NGEF: variants seen among roughly 807,000 people sequenced by gnomAD.
The protein encoded by NGEF is ephexin-1.
A neutral mutation model predicts 80.9 loss-of-function variants in NGEF; 31 were observed. The ratio of observed to expected loss-of-function variants is 0.38; its 90% CI spans 0.29 to 0.52. The LOEUF is 0.52. Ranked by LOEUF, NGEF falls within the 20% of genes least tolerant of loss-of-function variation. The probability of loss-of-function intolerance (pLI) is 0.84; values close to 1 mark genes in which losing one functional copy is unlikely to be tolerated. For missense variants in NGEF, 709 were observed against 926.2 expected (o/e 0.77, Z 3.04); for synonymous variants, 371 against 370.2 (o/e 1.00, Z -0.03).
chr2:232,916,345 C>T (rs534507653), intron 5 of NGEF, among the ~76,000 whole-genome samples: 1 of 152,224 alleles, frequency 6.6e-6, no homozygotes, highest in African/African-American at 2.4e-5. Flanking sequence ...AAGTAATTTG[C>T]CTAAGGTCAC....
intron 2 of NGEF, 108 bp downstream of exon 2, chr2:232,974,515 G>T: frequency 7.7e-7 from 1 of 1,305,738 alleles, no homozygotes; most frequent in Non-Finnish European, 1.1e-6. Context: ...ACTGTCCTTG[G>T]TACTTTTCAA....
chr2:232,890,332 C>G (rs1691840602), intron 8 of NGEF, among the ~76,000 whole-genome samples: 1 of 152,174 alleles, frequency 6.6e-6, no homozygotes, highest in Admixed American at 6.5e-5. Context: ...CCCCCTGAGT[C>G]TCCCATGCCT....
intron 1 of NGEF, chr2:233,012,674 G>T: frequency 2.8e-6 from 1 of 359,886 alleles, no homozygotes; most frequent in Non-Finnish European, 5.4e-6. Context: ...AAGGTGCCCC[G>T]GCTTGCTTTA....
intron 1 of NGEF, among the ~76,000 whole-genome samples, chr2:232,978,277 G>A (rs1360983127): frequency 2.0e-5 from 3 of 151,988 alleles, no homozygotes; most frequent in Non-Finnish European, 4.4e-5. Context: ...CCCAGCACAG[G>A]CTGAGGGGGG....
Position 232,892,825 on chromosome 2 carries a change from G to A in NGEF, c.1142+73C>T. The A allele has an allele frequency of 6.6e-7, 1 of 1,507,368 alleles. No individual in the cohort carries two copies. The highest frequency in any genetic ancestry group is 9.1e-7 in the Non-Finnish European group (1 of 1,097,510). 93.4% of individuals were successfully genotyped at this position (1,507,368 alleles called of 1,614,324 possible). On this transcript the variant is annotated intron_variant, in intron 7 of 14. Transcript: ENST00000264051. The surrounding 1 kb of genome is among the most constrained non-coding windows in gnomAD (Gnocchi z 4.0). ...ACCATGAAGTGTCACCGTGTAAGGAGCCTGGGCCAGCACTGGTATGGCTGC... is the reference window on the plus strand; with the variant it reads ...ACCATGAAGTGTCACCGTGTAAGGAACCTGGGCCAGCACTGGTATGGCTGC...
intron 1 of NGEF, among the ~76,000 whole-genome samples, chr2:232,979,075 G>A (rs901068107): frequency 1.3e-5 from 2 of 152,160 alleles, no homozygotes; most frequent in Non-Finnish European, 2.9e-5. Flanking sequence ...CACTGGGCCA[G>A]GAGTCAGGGG....
At chr2:232,973,145 C>A (rs1694228200) in intron 2 of NGEF, among the ~76,000 whole-genome samples, 1 of 152,094 alleles carries the variant, frequency 6.6e-6, no homozygotes, top group African/African-American at 2.4e-5. Context: ...TAATGCTTTG[C>A]CTTTATCTCT....
At chr2:232,953,121 G>A (rs562992902) in intron 3 of NGEF, among the ~76,000 whole-genome samples, 1 of 151,616 alleles carries the variant, frequency 6.6e-6, no homozygotes, top group East Asian at 1.9e-4. Context: ...GACCAAGATG[G>A]TGAAACCCTG....
intron 5 of NGEF, among the ~76,000 whole-genome samples, chr2:232,917,044 G>T (rs371765873): frequency 6.6e-6 from 1 of 152,154 alleles, no homozygotes. Flanking sequence ...TGCATTCCTC[G>T]AACTTATTCA....
At chr2:232,996,192 G>A (rs1413189674) in intron 1 of NGEF, among the ~76,000 whole-genome samples, 1 of 152,068 alleles carries the variant, frequency 6.6e-6, no homozygotes, top group Non-Finnish European at 1.5e-5. Flanking sequence ...GCCGGGTGTG[G>A]TAGCACACAT....
chr2:232,909,176 T>C (rs1692641154), intron 5 of NGEF, among the ~76,000 whole-genome samples: 1 of 152,214 alleles, frequency 6.6e-6, no homozygotes, highest in Admixed American at 6.5e-5. Flanking sequence ...TTATTATGTA[T>C]GATTTTGTTA....
At chr2:232,958,077 A>G (rs760903872) in intron 3 of NGEF, among the ~76,000 whole-genome samples, 2 of 152,188 alleles carry the variant, frequency 1.3e-5, no homozygotes, top group Non-Finnish European at 2.9e-5. Flanking sequence ...CCGATGCTCT[A>G]GTGTCCTTTG....
chr2:232,946,867 G>C (rs1693570324), intron 3 of NGEF, among the ~76,000 whole-genome samples: 1 of 151,974 alleles, frequency 6.6e-6, no homozygotes, highest in Non-Finnish European at 1.5e-5. Flanking sequence ...AAAACACATT[G>C]AATTAAAAAT....
chr2:232,991,919 A>T (rs1694658591), intron 1 of NGEF, among the ~76,000 whole-genome samples: 1 of 152,194 alleles, frequency 6.6e-6, no homozygotes, highest in Admixed American at 6.5e-5. Flanking sequence ...CCATAAATAA[A>T]CTCATACATC....
intron 1 of NGEF, among the ~76,000 whole-genome samples, chr2:233,006,763 C>A (rs1475745872): frequency 6.6e-6 from 1 of 152,172 alleles, no homozygotes; most frequent in Non-Finnish European, 1.5e-5. Context: ...CTTTACTGTA[C>A]TTGTCCTATT....
intron 3 of NGEF, among the ~76,000 whole-genome samples, chr2:232,967,607 T>C (rs913800583): frequency 6.6e-6 from 1 of 152,156 alleles, no homozygotes; most frequent in African/African-American, 2.4e-5. Context: ...AGTGCAAACC[T>C]CTTTTCTTGT....
intron 1 of NGEF, among the ~76,000 whole-genome samples, chr2:233,009,125 C>T (rs1260507368): frequency 4.6e-5 from 7 of 152,156 alleles, no homozygotes; most frequent in African/African-American, 1.7e-4. Flanking sequence ...GTGTGCAGTT[C>T]AGTGACAATA....
At chr2:232,988,108 G>C (rs1372682969) in intron 1 of NGEF, among the ~76,000 whole-genome samples, 1 of 150,484 alleles carries the variant, frequency 6.6e-6, no homozygotes, top group East Asian at 2.0e-4. Flanking sequence ...AGACCCCAGA[G>C]GGATGCCTCC....
chr2:232,996,059 C>T (rs1330795205), intron 1 of NGEF, among the ~76,000 whole-genome samples: 1 of 151,916 alleles, frequency 6.6e-6, no homozygotes, highest in Non-Finnish European at 1.5e-5. Flanking sequence ...AGCTTCCTGG[C>T]AGTCAACATG....
Sources: gnomAD v4.1 joint callset for allele counts (sites outside exome capture counted in the v4.1 genomes callset) on GRCh38, gnomAD v4.1.1 for gene constraint, Gnocchi (gnomAD v3.1) non-coding constraint, MANE v1.5 for transcripts, NCBI Gene and HGNC (gene_info 2026-07-23, HGNC 2026-07-21) for gene names.